PRLR: variants seen among roughly 807,000 people sequenced by gnomAD.
The protein encoded by PRLR is hPRL receptor.
Under a neutral mutation model 40.2 loss-of-function variants are expected in PRLR, and 13 were observed. The observed-to-expected ratio is 0.32, with a 90% CI of 0.21 to 0.51. The LOEUF (loss-of-function observed/expected upper bound fraction) is 0.51, where lower values mean the gene tolerates loss of function less well. Among genes scored for constraint, PRLR ranks in the 20% least tolerant of loss-of-function variants. The pLI, the probability that PRLR is intolerant of heterozygous loss-of-function variation, is 0.97. For missense variants in PRLR, 656 were observed against 747.3 expected (o/e 0.88, Z 1.42); for synonymous variants, 269 against 278.7 (o/e 0.97, Z 0.35).
chr5:35,084,083 ACTT>A lies in PRLR; in HGVS notation c.373+384_373+386del, dbSNP rs533520317. On this transcript the variant is annotated intron_variant, in intron 5 of 9. Coordinates refer to ENST00000618457, the MANE Select transcript of PRLR (RefSeq NM_000949.7). Reference sequence around the variant, plus strand: ...CAGAATCAGATGAACCCTTCTAAGAACTTCTTCTTCATGGAGCAGCTCTGTCTT... The same window carrying A: ...CAGAATCAGATGAACCCTTCTAAGAACTTCTTCATGGAGCAGCTCTGTCTT... Among the ~76,000 whole-genome samples, 70 of 152,228 alleles carry A rather than the reference ACTT, an allele frequency of 4.6e-4. No individual in the cohort carries two copies. In the South Asian group the frequency reaches 0.01, roughly 22 times the overall value.
At chr5:35,108,099 T>C (rs1260832246) in intron 2 of PRLR, among the ~76,000 whole-genome samples, 1 of 152,142 alleles carries the variant, frequency 6.6e-6, no homozygotes, top group African/African-American at 2.4e-5. Context: ...TAATCCAGCA[T>C]ATAAACAGAA....
At chr5:35,106,876 C>T (rs897360381) in intron 2 of PRLR, among the ~76,000 whole-genome samples, 1 of 152,152 alleles carries the variant, frequency 6.6e-6, no homozygotes, top group Admixed American at 6.5e-5. Context: ...CCAAGTGGAC[C>T]TAATAGACAT....
chr5:35,215,952 C>T (rs1454039157), intron 1 of PRLR, among the ~76,000 whole-genome samples: 2 of 150,234 alleles, frequency 1.3e-5, no homozygotes, highest in Non-Finnish European at 2.9e-5. Flanking sequence ...GCAAGAGAAT[C>T]GCTTGAACGC....
chr5:35,097,806 A>C (rs1771624788), intron 2 of PRLR, among the ~76,000 whole-genome samples: 1 of 152,120 alleles, frequency 6.6e-6, no homozygotes, highest in Admixed American at 6.6e-5. Flanking sequence ...ACTTCAGATC[A>C]TATGTGTCAA....
intron 5 of PRLR, among the ~76,000 whole-genome samples, chr5:35,080,220 A>T (rs1429238497): frequency 2.6e-5 from 4 of 152,254 alleles, no homozygotes; most frequent in African/African-American, 7.2e-5. Context: ...GCTTCTGCAC[A>T]GTAAAATAAA....
intron 1 of PRLR, among the ~76,000 whole-genome samples, chr5:35,172,008 G>A (rs1206641779): frequency 1.3e-5 from 2 of 152,184 alleles, no homozygotes; most frequent in African/African-American, 4.8e-5. Flanking sequence ...TGTTTAACAT[G>A]AGGGGCTGGG....
rs1769667884 is a variant in PRLR, at chr5:35,070,323, GT to G, written c.544-59del. 3.8e-6 allele frequency: 6 copies of G among 1,579,370 alleles called. No homozygotes were observed. The Admixed American group carries it at 5.2e-5, about 14-fold the overall frequency. On this transcript the variant is annotated intron_variant, in intron 6 of 9. Transcript: ENST00000618457. ...CTAACATTTGTTGTGAAGAAAGAGA[GT>G]TTTCCCCTAAAAAATAAACTAAGTT...
At chr5:35,183,563 G>GTC (rs774456074) in intron 1 of PRLR, among the ~76,000 whole-genome samples, 45 of 152,268 alleles carry the variant, frequency 3.0e-4, no homozygotes, top group Middle Eastern at 3.4e-3. Context: ...GAGGTCCTGA[G>GTC]TCTCTCTCTC....
At chr5:35,192,512 G>T (rs1302165330) in intron 1 of PRLR, among the ~76,000 whole-genome samples, 2 of 152,208 alleles carry the variant, frequency 1.3e-5, no homozygotes, top group African/African-American at 4.8e-5. Context: ...GTTCTGGAAA[G>T]TCAGGGAGAA....
At chr5:35,092,783 C>T (rs1477788895) in intron 2 of PRLR, among the ~76,000 whole-genome samples, 1 of 152,174 alleles carries the variant, frequency 6.6e-6, no homozygotes, top group Non-Finnish European at 1.5e-5. Flanking sequence ...TCAGCAGCTC[C>T]TTGGTTTTGA....
At chr5:35,159,532 T>A (rs1280652748) in intron 1 of PRLR, among the ~76,000 whole-genome samples, 1 of 152,144 alleles carries the variant, frequency 6.6e-6, no homozygotes. Context: ...TTCAAGGGAA[T>A]GTTTGGCCGT....
rs376090162 is a variant in PRLR at position 35,070,118 on chromosome 5, G to A, written c.685+6C>T. 1.1e-5 allele frequency: 18 copies of A among 1,596,068 alleles called. No individual in the cohort carries two copies. The highest frequency in any genetic ancestry group is 4.5e-5 in the East Asian group (2 of 44,756). On this transcript the variant is annotated splice_donor_region_variant and intron_variant, in intron 7 of 9. Coordinates refer to ENST00000618457, the MANE Select transcript of PRLR (RefSeq NM_000949.7). ...GACATAAGCAAAAAAGAGCCAAGAC[G>A]CTCACCACTAGGTATCTGAATGAAG...
intron 1 of PRLR, among the ~76,000 whole-genome samples, chr5:35,125,357 T>C (rs577585232): frequency 6.6e-6 from 1 of 152,282 alleles, no homozygotes; most frequent in East Asian, 1.9e-4. Flanking sequence ...AGTTCAGAGG[T>C]CATGAGTGTA....
chr5:35,093,837 T>A (rs1487704722), intron 2 of PRLR, among the ~76,000 whole-genome samples: 2 of 152,226 alleles, frequency 1.3e-5, no homozygotes, highest in Non-Finnish European at 2.9e-5. Context: ...TAGATATATT[T>A]AGATACACAA....
intron 1 of PRLR, among the ~76,000 whole-genome samples, chr5:35,183,826 A>G (rs1172549890): frequency 6.6e-6 from 1 of 152,246 alleles, no homozygotes; most frequent in Non-Finnish European, 1.5e-5. Context: ...AGACTGGTGT[A>G]TCTGTGAGAA....
rs1768859102 is a variant in PRLR at position 35,058,623 on chromosome 5, G to C, written c.*6466C>G. 6.6e-6 allele frequency: 1 copy of C among 152,150 alleles called. No individual in the cohort carries two copies. The highest frequency in any genetic ancestry group is 2.4e-5 in the African/African-American group (1 of 41,444). The allele number at this position is 152,150 out of a possible 1,614,324, so 9.4% of individuals were successfully genotyped here. A position where few individuals can be genotyped will look rare whatever the true frequency, so the allele number is the denominator to read the frequency against. ...CAGAAATACATTACATATTTTTTCA[G>C]TTTTGTTTTACAGTCATAGACACAA... On this transcript the variant is annotated 3_prime_UTR_variant, in exon 10 of 10. Coordinates refer to ENST00000618457, the MANE Select transcript of PRLR (RefSeq NM_000949.7).
At chr5:35,066,910 C>G (rs1056746687) in intron 9 of PRLR, among the ~76,000 whole-genome samples, 1 of 151,928 alleles carries the variant, frequency 6.6e-6, no homozygotes, top group Non-Finnish European at 1.5e-5. Flanking sequence ...ACAACAGGCG[C>G]CCACCACCAC....
chr5:35,151,483 T>C (rs1774339754), intron 1 of PRLR, among the ~76,000 whole-genome samples: 1 of 152,148 alleles, frequency 6.6e-6, no homozygotes, highest in Admixed American at 6.5e-5. Flanking sequence ...AACTTCTGTG[T>C]GAATTTGACA....
chr5:35,186,679 A>C (rs1775442787), intron 1 of PRLR, among the ~76,000 whole-genome samples: 1 of 152,140 alleles, frequency 6.6e-6, no homozygotes, highest in African/African-American at 2.4e-5. Flanking sequence ...TAAATACCTC[A>C]TTGTGGAGCA....
Sources: allele counts gnomAD v4.1 joint callset (sites outside exome capture counted in the v4.1 genomes callset), GRCh38; gene constraint gnomAD v4.1.1; transcripts MANE v1.5; gene names NCBI Gene and HGNC (gene_info 2026-07-23, HGNC 2026-07-21).